The following ARID4B variants were observed in gnomAD, a reference collection of about 807,000 sequenced individuals.
ARID4B encodes AT-rich interactive domain-containing protein 4B.
A neutral mutation model predicts 147.5 loss-of-function variants in ARID4B; 26 were observed. The observed-to-expected ratio is 0.18, with a 90% confidence interval of 0.13 to 0.24. The LOEUF is 0.24. ARID4B is among the 10% of genes least tolerant of loss of function. The pLI is 1.00. For synonymous variants in ARID4B, 512 were observed against 507.9 expected (o/e 1.01, Z -0.11); for missense variants, 1,179 against 1,511.5 (o/e 0.78, Z 3.65).
At chr1:235,255,267 A>AGATCGATCTATCTATCTATCTATC (rs1553304359) in intron 5 of ARID4B, among the ~76,000 whole-genome samples, 1 of 137,154 alleles carries the variant, frequency 7.3e-6, no homozygotes, top group African/African-American at 2.7e-5. Context: ...AGATAGATAT[A>AGATCGATCTATCTATCTATCTATC]TATCTCTCTC....
chr1:235,301,971 G>A (rs531461677), intron 2 of ARID4B, among the ~76,000 whole-genome samples: 1 of 151,464 alleles, frequency 6.6e-6, no homozygotes, highest in South Asian at 2.1e-4. Context: ...AGGATTACAG[G>A]CATGGGCCAC....
rs560218882 is a variant in ARID4B, at chr1:235,306,820, T to C, written c.6+20094A>G. Among the ~76,000 whole-genome samples the C allele has an allele frequency of 2.0e-3, 310 of 152,196 alleles. 2 individuals carry two copies. The highest frequency in any genetic ancestry group is 7.2e-3 in the African/African-American group (299 of 41,536). On this transcript the variant is annotated intron_variant, in intron 2 of 23. Coordinates refer to ENST00000264183, the MANE Select transcript of ARID4B (RefSeq NM_016374.6). Reference sequence around the variant, plus strand: ...TCAGGTGTGCACCACCACACCCGGCTAATTTTTTTGTATTTTTGGTAGAGA... The same window carrying C: ...TCAGGTGTGCACCACCACACCCGGCCAATTTTTTTGTATTTTTGGTAGAGA...
At chr1:235,287,637 C>T (rs1672074322) in intron 2 of ARID4B, among the ~76,000 whole-genome samples, 1 of 152,212 alleles carries the variant, frequency 6.6e-6, no homozygotes. Flanking sequence ...TTATTCTCTA[C>T]CCAGTAATTC....
intron 14 of ARID4B, 119 bp from the exon 15 acceptor site, chr1:235,220,664 A>G: frequency 1.2e-6 from 1 of 803,562 alleles, no homozygotes; most frequent in Non-Finnish European, 1.8e-6. Flanking sequence ...CCATATTAAC[A>G]TTCTAATTTA....
chr1:235,226,573 G>A (rs374264237), intron 11 of ARID4B, among the ~76,000 whole-genome samples: 2 of 151,994 alleles, frequency 1.3e-5, no homozygotes, highest in South Asian at 4.2e-4. Context: ...CCAGGCTGGA[G>A]TGCAGTGGCG....
intron 2 of ARID4B, among the ~76,000 whole-genome samples, chr1:235,267,217 G>A (rs1670661500): frequency 6.6e-6 from 1 of 152,122 alleles, no homozygotes; most frequent in South Asian, 2.1e-4. Context: ...AATGGAGGCT[G>A]CAGTGAGCCA....
chr1:235,313,666 C>T (rs936673340), intron 2 of ARID4B, among the ~76,000 whole-genome samples: 9 of 152,158 alleles, frequency 5.9e-5, no homozygotes, highest in African/African-American at 2.2e-4. Flanking sequence ...CCATAAATAA[C>T]CCTCTAGGCT....
intron 12 of ARID4B, among the ~76,000 whole-genome samples, chr1:235,223,684 C>CGTTGT (rs149769753): frequency 8.5e-6 from 1 of 117,144 alleles, no homozygotes; most frequent in African/African-American, 3.4e-5. Flanking sequence ...AGTAAAGCTA[C>CGTTGT]ATTTTTTTTT....
chr1:235,202,419 GATA>G (rs1394409946), intron 17 of ARID4B, among the ~76,000 whole-genome samples: 4 of 150,562 alleles, frequency 2.7e-5, no homozygotes, highest in Non-Finnish European at 2.9e-5. Context: ...TGACTTGTCT[GATA>G]ATATTTCTAT....
intron 7 of ARID4B, among the ~76,000 whole-genome samples, chr1:235,241,889 A>G (rs1669007214): frequency 6.6e-6 from 1 of 152,194 alleles, no homozygotes; most frequent in African/African-American, 2.4e-5. Context: ...CTTGATTTCA[A>G]TGATCAGTCA....
At chr1:235,203,742 T>A (rs1666107309) in intron 17 of ARID4B, among the ~76,000 whole-genome samples, 1 of 152,130 alleles carries the variant, frequency 6.6e-6, no homozygotes, top group Admixed American at 6.5e-5. Flanking sequence ...ACTGTCTTAG[T>A]ATGGAAAGGG....
chr1:235,175,698 T>G (rs1454362847), intron 21 of ARID4B: 1 of 276,864 alleles, frequency 3.6e-6, no homozygotes, highest in Non-Finnish European at 6.8e-6. Flanking sequence ...TACTCTATTA[T>G]GTTAATACAT....
intron 20 of ARID4B, among the ~76,000 whole-genome samples, chr1:235,178,852 G>GC (rs551874255): frequency 1.5e-3 from 174 of 115,828 alleles, no homozygotes; most frequent in Non-Finnish European, 2.4e-3. Context: ...CAACTTCCTA[G>GC]CTTTTTTTTA....
chr1:235,244,843 G>A (rs1669202747), intron 7 of ARID4B, among the ~76,000 whole-genome samples: 1 of 152,170 alleles, frequency 6.6e-6, no homozygotes, highest in Non-Finnish European at 1.5e-5. Flanking sequence ...CTAGGTTTAA[G>A]ACTTTGTTGC....
At chr1:235,209,516 A>G (rs1304581340) in intron 17 of ARID4B, among the ~76,000 whole-genome samples, 4 of 152,134 alleles carry the variant, frequency 2.6e-5, no homozygotes, top group African/African-American at 9.7e-5. Context: ...GTTAGAAAAA[A>G]AAGAAAAATG....
chr1:235,194,709 C>T (rs924749726), intron 18 of ARID4B, among the ~76,000 whole-genome samples: 2 of 152,102 alleles, frequency 1.3e-5, no homozygotes, highest in Non-Finnish European at 2.9e-5. Flanking sequence ...ATCCCAGCTA[C>T]TCGGGAGGCT....
intron 2 of ARID4B, among the ~76,000 whole-genome samples, chr1:235,282,787 A>G (rs956666722): frequency 5.9e-5 from 9 of 152,056 alleles, no homozygotes; most frequent in African/African-American, 1.7e-4. Flanking sequence ...TTATTTATTT[A>G]TTTATTTATT....
intron 11 of ARID4B, among the ~76,000 whole-genome samples, chr1:235,226,582 C>T (rs531928108): frequency 1.2e-3 from 181 of 151,120 alleles, no homozygotes; most frequent in African/African-American, 3.8e-3. Flanking sequence ...AGTGCAGTGG[C>T]GTGATCTCGG....
intron 20 of ARID4B, 49 bp downstream of exon 20, chr1:235,181,536 T>TA (rs761419956): frequency 1.1e-5 from 17 of 1,564,970 alleles, no homozygotes; most frequent in Non-Finnish European, 1.4e-5. Context: ...ATTGAAACTT[T>TA]AAGAGGGGAA....
Sources: gnomAD v4.1 joint callset for allele counts (sites outside exome capture counted in the v4.1 genomes callset) on GRCh38, gnomAD v4.1.1 for gene constraint, MANE v1.5 for transcripts, NCBI Gene and HGNC (gene_info 2026-07-23, HGNC 2026-07-21) for gene names.